HORMAD2: variants seen among roughly 807,000 people sequenced by gnomAD.
HORMAD2 encodes the protein HORMA domain-containing protein 2.
In HORMAD2, 45 loss-of-function variants were observed where a neutral mutation model predicts 38.8. The observed-to-expected ratio is 1.16, with a 90% CI of 0.91 to 1.49. HORMAD2 has a LOEUF of 1.49. HORMAD2 is among the 40% of genes most tolerant of loss of function. The probability of loss-of-function intolerance (pLI) is 0.00; values close to 1 mark genes in which losing one functional copy is unlikely to be tolerated. For missense variants in HORMAD2, 338 were observed against 367.0 expected, an observed-to-expected ratio of 0.92 and a Z score of 0.65; for synonymous variants, 126 against 122.8, an observed-to-expected ratio of 1.03 and a Z score of -0.17.
chr22:30,127,945 C>T (rs1421210103), intron 10 of HORMAD2, among the ~76,000 whole-genome samples: 1 of 152,104 alleles, frequency 6.6e-6, no homozygotes, highest in South Asian at 2.1e-4. Flanking sequence ...TCAAATCTAG[C>T]GCTGTTACCA....
intron 10 of HORMAD2, among the ~76,000 whole-genome samples, chr22:30,146,697 AAT>A (rs1292122151): frequency 6.6e-6 from 1 of 152,154 alleles, no homozygotes; most frequent in Non-Finnish European, 1.5e-5. Context: ...CCCACCAGCT[AAT>A]TAAGGTAGGA....
At chr22:30,120,747 A>G (rs1436478231) in intron 8 of HORMAD2, among the ~76,000 whole-genome samples, 2 of 152,218 alleles carry the variant, frequency 1.3e-5, no homozygotes, top group Non-Finnish European at 2.9e-5. Context: ...TGAGGATGAG[A>G]TGAGGGTATT....
At chr22:30,110,050 A>G (rs1406150655) in intron 5 of HORMAD2, among the ~76,000 whole-genome samples, 1 of 152,208 alleles carries the variant, frequency 6.6e-6, no homozygotes, top group African/African-American at 2.4e-5. Flanking sequence ...ACTGGAAAAT[A>G]TTTAGAAAAA....
chr22:30,193,069 G>A, the HORMAD2 span, among the ~76,000 whole-genome samples: 16 of 152,222 alleles, frequency 1.1e-4, 1 homozygote, highest in Admixed American at 2.6e-4. Flanking sequence ...ATGATAGACC[G>A]AAAAAAGCAG....
At chr22:30,117,628 C>T (rs576552640) in intron 7 of HORMAD2, among the ~76,000 whole-genome samples, 3 of 152,236 alleles carry the variant, frequency 2.0e-5, no homozygotes, top group Admixed American at 2.0e-4. Flanking sequence ...CCTGCCTCAG[C>T]CTCCTGAGTA....
At chr22:30,137,093 G>A in intron 10 of HORMAD2, 1 of 362,924 alleles carries the variant, frequency 2.8e-6, no homozygotes, top group Admixed American at 4.2e-5. Context: ...TGACATCAAT[G>A]TGAACTTAAA....
intron 3 of HORMAD2, among the ~76,000 whole-genome samples, 197 bp from the exon 4 acceptor site, chr22:30,103,240 A>G (rs1182058975): frequency 6.6e-6 from 1 of 152,210 alleles, no homozygotes; most frequent in Non-Finnish European, 1.5e-5. Flanking sequence ...TGTAATCGAA[A>G]TTGAGACCAA....
At chr22:30,120,618 A>G (rs143088659) in intron 8 of HORMAD2, among the ~76,000 whole-genome samples, 1 of 151,708 alleles carries the variant, frequency 6.6e-6, no homozygotes, top group African/African-American at 2.4e-5. Context: ...ATTTAGTCCA[A>G]ATTGTTCATT....
chr22:30,126,598 G>T (rs558552445), intron 10 of HORMAD2, among the ~76,000 whole-genome samples: 5 of 152,138 alleles, frequency 3.3e-5, no homozygotes, highest in African/African-American at 1.2e-4. Context: ...ATGTTAATTT[G>T]GATAATTTAT....
the HORMAD2 span, among the ~76,000 whole-genome samples, chr22:30,196,441 C>T: frequency 2.0e-5 from 3 of 152,172 alleles, no homozygotes; most frequent in South Asian, 2.1e-4. Context: ...GCTGAGCTGC[C>T]GGCACGCCTC....
chr22:30,183,122 G>C, the HORMAD2 span, among the ~76,000 whole-genome samples: 1 of 152,202 alleles, frequency 6.6e-6, no homozygotes, highest in Non-Finnish European at 1.5e-5. Flanking sequence ...AGAAATGGGA[G>C]TGAGCATGGG....
the HORMAD2 span, among the ~76,000 whole-genome samples, chr22:30,203,003 G>A: frequency 1.9e-4 from 29 of 152,290 alleles, no homozygotes; most frequent in African/African-American, 6.7e-4. Flanking sequence ...AGGTGCACAC[G>A]GCCAAGATCA....
At chr22:30,128,183 A>AATTT (rs1196241815) in intron 10 of HORMAD2, among the ~76,000 whole-genome samples, 1 of 152,196 alleles carries the variant, frequency 6.6e-6, no homozygotes, top group African/African-American at 2.4e-5. Flanking sequence ...TAGAAGGAAG[A>AATTT]ATTTTCTCTT....
the HORMAD2 span, among the ~76,000 whole-genome samples, chr22:30,185,699 A>T: frequency 6.6e-6 from 1 of 152,222 alleles, no homozygotes; most frequent in African/African-American, 2.4e-5. Flanking sequence ...ACTGCCAGGT[A>T]TCAGTATTAT....
chr22:30,077,911 C>T (rs1047422432), upstream of HORMAD2, among the ~76,000 whole-genome samples: 2 of 152,174 alleles, frequency 1.3e-5, no homozygotes, highest in Non-Finnish European at 2.9e-5. Flanking sequence ...CACTGAGGAA[C>T]AGTTAATTCA....
In HORMAD2 at chr22:30,106,869, A is replaced by G. The variant is rs571532118; in HGVS notation, c.294+2432A>G. Among the ~76,000 whole-genome samples the G allele has an allele frequency of 2.0e-5, 3 of 152,366 alleles. No individual in the cohort carries two copies. In the South Asian group the frequency reaches 6.2e-4, roughly 32 times the overall value. On this transcript the variant is annotated intron_variant, in intron 5 of 10. Transcript: ENST00000336726. ...TGGTTCTCAAACTTTAGCTTGCATC[A>G]GAATCACCTGGAGGACTTGTTAAAA...
downstream of HORMAD2, among the ~76,000 whole-genome samples, chr22:30,179,635 C>T (rs1926618675): frequency 6.6e-6 from 1 of 152,144 alleles, no homozygotes; most frequent in African/African-American, 2.4e-5. Flanking sequence ...TAGAGTTTTG[C>T]CGTCTGGGAG....
At chr22:30,204,243 G>C in the HORMAD2 span, among the ~76,000 whole-genome samples, 1 of 152,220 alleles carries the variant, frequency 6.6e-6, no homozygotes, top group African/African-American at 2.4e-5. Context: ...ACGGGCCCCA[G>C]AGGAGTGTTC....
intron 10 of HORMAD2, among the ~76,000 whole-genome samples, chr22:30,152,642 T>C (rs1419117241): frequency 2.0e-5 from 3 of 152,210 alleles, no homozygotes; most frequent in Non-Finnish European, 2.9e-5. Flanking sequence ...TGATCTTTTT[T>C]ATATTGATGA....
Sources: allele counts gnomAD v4.1 joint callset (sites outside exome capture counted in the v4.1 genomes callset), GRCh38; gene constraint gnomAD v4.1.1; transcripts MANE v1.5; gene names NCBI Gene and HGNC (gene_info 2026-07-23, HGNC 2026-07-21).